Variants in ADAMTS6 observed in about 807,000 individuals in gnomAD.
ADAMTS6 encodes A disintegrin and metalloproteinase with thrombospondin motifs 6.
In ADAMTS6, 23 loss-of-function variants were observed where a neutral mutation model predicts 144.3. The ratio of observed to expected loss-of-function variants is 0.16; its 90% CI spans 0.11 to 0.23. The LOEUF is 0.23. Among genes scored for constraint, ADAMTS6 ranks in the 10% least tolerant of loss-of-function variants. The pLI, the probability that ADAMTS6 is intolerant of heterozygous loss-of-function variation, is 1.00. For synonymous variants in ADAMTS6, 444 were observed against 457.5 expected (o/e 0.97, Z 0.38); for missense variants, 999 against 1,379.6 (o/e 0.72, Z 4.37).
In ADAMTS6 at chr5:65,150,354, A is replaced by G. The variant is rs1752087263; in HGVS notation, c.*1482T>C. 1.3e-5 allele frequency: 2 copies of G among 152,042 alleles called. No homozygotes were observed. Among genetic ancestry groups the G allele is most frequent in the South Asian group, 4.1e-4 (2 of 4,820 alleles). The allele number at this position is 152,042 out of a possible 1,614,324, so 9.4% of individuals were successfully genotyped here. A position where few individuals can be genotyped will look rare whatever the true frequency, so the allele number is the denominator to read the frequency against. On this transcript the variant is annotated 3_prime_UTR_variant, in exon 25 of 25. Transcript: ENST00000381055. ...GTGTTCAAGTAAAAAATATTAATAT[A>G]AACAAGTACCCTTTTTCATTCTAAG...
chr5:65,324,468 A>C (rs942166713), intron 9 of ADAMTS6, among the ~76,000 whole-genome samples: 2 of 152,084 alleles, frequency 1.3e-5, no homozygotes, highest in African/African-American at 4.8e-5. Flanking sequence ...ATAAGGCAAC[A>C]ATTTAAAAAG....
chr5:65,193,048 C>T (rs531019264), intron 21 of ADAMTS6, among the ~76,000 whole-genome samples: 4 of 151,878 alleles, frequency 2.6e-5, no homozygotes, highest in Non-Finnish European at 4.4e-5. Flanking sequence ...GGAAAACAAT[C>T]GTGATTGAAA....
chr5:65,344,757 G>T (rs985992093), intron 7 of ADAMTS6, among the ~76,000 whole-genome samples: 2 of 151,672 alleles, frequency 1.3e-5, no homozygotes, highest in African/African-American at 4.8e-5. Flanking sequence ...TCTCTTTTCA[G>T]TCTCAAGACA....
intron 7 of ADAMTS6, among the ~76,000 whole-genome samples, chr5:65,447,744 C>T (rs1248675989): frequency 6.6e-6 from 1 of 151,506 alleles, no homozygotes; most frequent in East Asian, 1.9e-4. Flanking sequence ...TCTATGAAAG[C>T]AATCAATACC....
intron 7 of ADAMTS6, among the ~76,000 whole-genome samples, chr5:65,416,915 G>C (rs1051527326): frequency 1.3e-5 from 2 of 151,852 alleles, no homozygotes; most frequent in African/African-American, 4.8e-5. Flanking sequence ...ACCTGGTAAA[G>C]AAACAACAAA....
At chr5:65,443,654 G>T (rs1758047897) in intron 7 of ADAMTS6, among the ~76,000 whole-genome samples, 2 of 142,616 alleles carry the variant, frequency 1.4e-5, no homozygotes, top group African/African-American at 2.7e-5. Context: ...AAAAAAGTTG[G>T]TATTCTAAAC....
intron 24 of ADAMTS6, among the ~76,000 whole-genome samples, chr5:65,167,316 T>G (rs1298152032): frequency 6.6e-6 from 1 of 152,038 alleles, no homozygotes; most frequent in Admixed American, 6.6e-5. Context: ...ACATACACCC[T>G]CCCAAGACTA....
chr5:65,301,095 A>AT, intron 9 of ADAMTS6, among the ~76,000 whole-genome samples: 1 of 151,888 alleles, frequency 6.6e-6, no homozygotes, highest in East Asian at 1.9e-4. Flanking sequence ...TTTGTTTGTC[A>AT]TTTTTTTCCT....
chr5:65,432,273 C>T (rs530625689), intron 7 of ADAMTS6, among the ~76,000 whole-genome samples: 270 of 152,034 alleles, frequency 1.8e-3, no homozygotes, highest in Non-Finnish European at 3.3e-3. Context: ...GGAGTTTTCA[C>T]TCTCTTTATT....
intron 7 of ADAMTS6, among the ~76,000 whole-genome samples, chr5:65,431,289 C>A (rs140795303): frequency 4.3e-4 from 66 of 152,178 alleles, no homozygotes; most frequent in African/African-American, 1.5e-3. Context: ...TTCAAGGGAA[C>A]TTTTGATGCC....
chr5:65,443,081 G>A (rs1025127817), intron 7 of ADAMTS6, among the ~76,000 whole-genome samples: 1 of 152,060 alleles, frequency 6.6e-6, no homozygotes, highest in South Asian at 2.1e-4. Context: ...GTCTATCATT[G>A]ATGAGCATTT....
rs768845297 is a variant in ADAMTS6, at chr5:65,300,751, C to T, written c.1224-620G>A. Among the ~76,000 whole-genome samples the T allele has an allele frequency of 3.9e-5, 6 of 152,118 alleles. 1 individual carries two copies. In the South Asian group the frequency reaches 1.0e-3, roughly 26 times the overall value. ...GGTTCACGCCATTGTCCTGCCTCAT[C>T]CTCCCGAGTAGCTGGGACTACAGGC... On this transcript the variant is annotated intron_variant, in intron 9 of 24. Transcript: ENST00000381055.
At chr5:65,376,954 AGTT>A (rs1444173862) in intron 7 of ADAMTS6, among the ~76,000 whole-genome samples, 2 of 152,186 alleles carry the variant, frequency 1.3e-5, no homozygotes, top group African/African-American at 4.8e-5. Context: ...AATCTCTAAA[AGTT>A]GTTGATTTAA....
chr5:65,284,995 A>G (rs1288153565), intron 11 of ADAMTS6, among the ~76,000 whole-genome samples: 1 of 152,078 alleles, frequency 6.6e-6, no homozygotes, highest in African/African-American at 2.4e-5. Flanking sequence ...TACACTGGAG[A>G]ATCATTAGTG....
At chr5:65,179,140 A>G (rs755341794) in intron 22 of ADAMTS6, among the ~76,000 whole-genome samples, 96 of 152,308 alleles carry the variant, frequency 6.3e-4, no homozygotes, top group Admixed American at 1.8e-3. Context: ...TAAAATTTGG[A>G]CTTGTACAGT....
chr5:65,233,105 T>A (rs1561308798), intron 15 of ADAMTS6, among the ~76,000 whole-genome samples: 1 of 152,082 alleles, frequency 6.6e-6, no homozygotes, highest in Non-Finnish European at 1.5e-5. Context: ...ATCCAAATGA[T>A]CATTGCAATA....
chr5:65,405,856 G>A (rs950572366), intron 7 of ADAMTS6, among the ~76,000 whole-genome samples: 5 of 151,950 alleles, frequency 3.3e-5, no homozygotes, highest in African/African-American at 1.2e-4. Context: ...TGAAGAGGTC[G>A]TTCACATCCC....
Position 65,214,288 on chromosome 5 carries a change from G to A in ADAMTS6, c.2575+506C>T, listed in dbSNP as rs1580077395. The A allele has an allele frequency of 3.6e-6, 1 of 279,634 alleles. No individual in the cohort carries two copies. Among genetic ancestry groups the A allele is most frequent in the East Asian group, 9.7e-5 (1 of 10,290 alleles). The allele number at this position is 279,634 out of a possible 1,614,324, so 17.3% of individuals were successfully genotyped here. The stretch of plus-strand genomic sequence containing the variant: ...CCATTAACCCAGAACCCAGATACCA[G>A]TAATTATTGTAGCATCCCAGTATAC... On this transcript the variant is annotated intron_variant, in intron 20 of 24. Coordinates refer to ENST00000381055, the MANE Select transcript of ADAMTS6 (RefSeq NM_197941.4). The surrounding 1 kb of genome is among the most constrained non-coding windows in gnomAD (Gnocchi z 4.6).
rs1263384496 is a variant in ADAMTS6 at position 65,318,683 on chromosome 5, A to G, written c.1223+10695T>C. Reference sequence around the variant, plus strand: ...ATTTGTGGGAGCTAAAAATCAAAACAATTGAACTTATGGACATAGAGAGTA... The same window carrying G: ...ATTTGTGGGAGCTAAAAATCAAAACGATTGAACTTATGGACATAGAGAGTA... On this transcript the variant is annotated intron_variant, in intron 9 of 24. Transcript: ENST00000381055. Among the ~76,000 whole-genome samples, 4 of 152,162 alleles carry G rather than the reference A, an allele frequency of 2.6e-5. No individual in the cohort carries two copies. In the East Asian group the frequency reaches 5.8e-4, roughly 22 times the overall value.
Sources: gnomAD v4.1 joint callset for allele counts (sites outside exome capture counted in the v4.1 genomes callset) on GRCh38, gnomAD v4.1.1 for gene constraint, Gnocchi (gnomAD v3.1) non-coding constraint, MANE v1.5 for transcripts, NCBI Gene and HGNC (gene_info 2026-07-23, HGNC 2026-07-21) for gene names.